NFIA: variants seen among roughly 807,000 people sequenced by gnomAD.
The protein encoded by NFIA is nuclear factor I A.
Under a neutral mutation model 62.8 loss-of-function variants are expected in NFIA, and 8 were observed. The ratio of observed to expected loss-of-function variants is 0.13; its 90% CI spans 0.07 to 0.23. The LOEUF (loss-of-function observed/expected upper bound fraction) is 0.23, where lower values mean the gene tolerates loss of function less well. Ranked by LOEUF, NFIA falls within the 10% of genes least tolerant of loss-of-function variation. The pLI, the probability that NFIA is intolerant of heterozygous loss-of-function variation, is 1.00. For missense variants in NFIA, 410 were observed against 642.1 expected, an observed-to-expected ratio of 0.64 and a Z score of 3.91; for synonymous variants, 235 against 238.1, an observed-to-expected ratio of 0.99 and a Z score of 0.12.
At chr1:61,122,955 G>A (rs924347445) in intron 2 of NFIA, among the ~76,000 whole-genome samples, 30 of 152,230 alleles carry the variant, frequency 2.0e-4, no homozygotes, top group African/African-American at 4.1e-4. Context: ...TACTCAGTAC[G>A]TATGTCCATG....
chr1:61,081,663 G>C (rs183372164), upstream of NFIA: 135 of 497,474 alleles, frequency 2.7e-4, 2 homozygotes, highest in South Asian at 2.7e-3. Flanking sequence ...TCCTGGGAGG[G>C]ATAACGCTCA....
intron 2 of NFIA, among the ~76,000 whole-genome samples, chr1:61,184,031 G>T (rs1486714200): frequency 6.9e-6 from 1 of 145,628 alleles, no homozygotes; most frequent in Non-Finnish European, 1.5e-5. Context: ...GTGCCTGAGT[G>T]TATGCCGAAC....
chr1:61,328,403 T>G (rs1383009510), intron 3 of NFIA, among the ~76,000 whole-genome samples: 1 of 147,490 alleles, frequency 6.8e-6, no homozygotes, highest in Admixed American at 7.0e-5. Context: ...ATTTTTCTCC[T>G]TCATATCATT....
chr1:61,398,127 CT>C (rs1226489775), intron 7 of NFIA, among the ~76,000 whole-genome samples: 3 of 152,202 alleles, frequency 2.0e-5, no homozygotes, highest in Non-Finnish European at 2.9e-5. Context: ...TGAAAATAAA[CT>C]TTTATTGGAA....
At chr1:61,114,698 T>C (rs1646767187) in intron 2 of NFIA, among the ~76,000 whole-genome samples, 2 of 152,170 alleles carry the variant, frequency 1.3e-5, no homozygotes, top group Admixed American at 1.3e-4. Context: ...TTTCTTCTTA[T>C]CTTTTAATGG....
intron 4 of NFIA, among the ~76,000 whole-genome samples, chr1:61,349,263 G>A (rs918089999): frequency 1.3e-5 from 2 of 152,104 alleles, no homozygotes; most frequent in Non-Finnish European, 2.9e-5. Context: ...CTTAGAGCCT[G>A]TTACTGAGAG....
chr1:61,414,527 T>C (rs1031695779), intron 9 of NFIA, among the ~76,000 whole-genome samples: 2 of 125,716 alleles, frequency 1.6e-5, no homozygotes, highest in African/African-American at 5.8e-5. Context: ...CTTGGTTTTT[T>C]GGTTTTTTGT....
upstream of NFIA, chr1:61,082,234 C>G: frequency 1.9e-6 from 1 of 529,738 alleles, no homozygotes; most frequent in Non-Finnish European, 3.2e-6. Flanking sequence ...AGCGGGAGAG[C>G]GAGCAAGCGA....
At chr1:61,276,804 GATT>G (rs1657833770) in intron 2 of NFIA, among the ~76,000 whole-genome samples, 1 of 151,908 alleles carries the variant, frequency 6.6e-6, no homozygotes, top group Non-Finnish European at 1.5e-5. Flanking sequence ...TTGAAAATAT[GATT>G]ATATTTTTTA....
intron 2 of NFIA, among the ~76,000 whole-genome samples, chr1:61,205,786 A>G (rs564317488): frequency 2.6e-5 from 4 of 152,004 alleles, no homozygotes; most frequent in Admixed American, 2.0e-4. Flanking sequence ...GCTCACGTTT[A>G]GTCCAGTCAG....
chr1:61,189,992 TTAA>T (rs1375416717), intron 2 of NFIA, among the ~76,000 whole-genome samples: 6 of 152,304 alleles, frequency 3.9e-5, no homozygotes, highest in South Asian at 2.1e-4. Context: ...CTGTTTGATT[TTAA>T]TAATGATATT....
intron 5 of NFIA, 118 bp downstream of exon 5, chr1:61,352,685 G>T: frequency 1.2e-6 from 1 of 855,098 alleles, no homozygotes; most frequent in Non-Finnish European, 1.9e-6. Flanking sequence ...TAACAAAGTA[G>T]TGGGTTCAGC....
At chr1:61,282,307 A>T (rs568173329) in intron 3 of NFIA, among the ~76,000 whole-genome samples, 2 of 152,166 alleles carry the variant, frequency 1.3e-5, no homozygotes, top group Non-Finnish European at 2.9e-5. Flanking sequence ...GTATCATTTA[A>T]TCCTTTGTTA....
At chr1:61,116,844 T>C (rs1646800836) in intron 2 of NFIA, among the ~76,000 whole-genome samples, 1 of 152,244 alleles carries the variant, frequency 6.6e-6, no homozygotes, top group Admixed American at 6.5e-5. Flanking sequence ...GACTTAGTTT[T>C]CCATTGTTAG....
chr1:61,078,783 C>T (rs897612169), upstream of NFIA, among the ~76,000 whole-genome samples: 9 of 152,120 alleles, frequency 5.9e-5, no homozygotes, highest in Admixed American at 2.0e-4. Context: ...TCCTTGTTAC[C>T]ACAACAACCC....
At chr1:61,445,692 G>T (rs1162102114) in intron 10 of NFIA, among the ~76,000 whole-genome samples, 3 of 152,240 alleles carry the variant, frequency 2.0e-5, no homozygotes, top group Non-Finnish European at 2.9e-5. Flanking sequence ...TATTTATCCA[G>T]AGTTGTTGGT....
At chr1:61,283,031 A>G (rs929962250) in intron 3 of NFIA, among the ~76,000 whole-genome samples, 16 of 152,058 alleles carry the variant, frequency 1.1e-4, no homozygotes, top group African/African-American at 3.6e-4. Flanking sequence ...TTCCAGCTCT[A>G]CCTGCCAATT....
In NFIA at chr1:61,417,132, A is replaced by G. The variant is rs559171656; in HGVS notation, c.1421-9333A>G. On this transcript the variant is annotated intron_variant, in intron 9 of 10. Coordinates refer to ENST00000403491, the MANE Select transcript of NFIA (RefSeq NM_001134673.4). Reference sequence around the variant, plus strand: ...AGTTTTTTATTATTTCAGATGACAGATGAGTTTAAGTCTTTCTTTATAAAG... The same window carrying G: ...AGTTTTTTATTATTTCAGATGACAGGTGAGTTTAAGTCTTTCTTTATAAAG... Among the ~76,000 whole-genome samples the G allele has an allele frequency of 2.6e-5, 4 of 152,132 alleles. No homozygotes were observed. In the South Asian group the frequency reaches 8.3e-4, roughly 32 times the overall value.
At chr1:61,345,985 A>C (rs948347362) in intron 4 of NFIA, among the ~76,000 whole-genome samples, 2 of 152,150 alleles carry the variant, frequency 1.3e-5, no homozygotes, top group African/African-American at 2.4e-5. Context: ...TAGAATTATG[A>C]GGCCCAAAGA....
Sources: gnomAD v4.1 joint callset for allele counts (sites outside exome capture counted in the v4.1 genomes callset) on GRCh38, gnomAD v4.1.1 for gene constraint, MANE v1.5 for transcripts, NCBI Gene and HGNC (gene_info 2026-07-23, HGNC 2026-07-21) for gene names.